Variants in CYP4X1 observed in about 807,000 individuals in gnomAD.
CYP4X1 encodes the protein cytochrome P450 family 4 subfamily X member 1.
A neutral mutation model predicts 57.9 loss-of-function variants in CYP4X1; 44 were observed. The observed-to-expected ratio is 0.76, with a 90% CI of 0.60 to 0.98. CYP4X1 has a LOEUF of 0.98. Ranked by LOEUF, CYP4X1 falls within the 50% of genes least tolerant of loss-of-function variation. CYP4X1 has a pLI of 0.00. For synonymous variants in CYP4X1, 227 were observed against 228.6 expected (o/e 0.99, Z 0.06); for missense variants, 532 against 623.9 (o/e 0.85, Z 1.57).
Position 47,029,929 on chromosome 1 carries a change from G to A in CYP4X1, c.178-61G>A, listed in dbSNP as rs575146387. On this transcript the variant is annotated intron_variant, in intron 1 of 11. Coordinates refer to ENST00000371901, the MANE Select transcript of CYP4X1 (RefSeq NM_178033.2). Reference sequence around the variant, plus strand: ...TTATCAGGTCCTGAACTCAGCTTGTGTCTATAAGAGGGGACAGGTCCAGCT... The same window carrying A: ...TTATCAGGTCCTGAACTCAGCTTGTATCTATAAGAGGGGACAGGTCCAGCT... 3.8e-4 allele frequency: 597 copies of A among 1,580,776 alleles called. 1 individual carries two copies. The highest frequency in any genetic ancestry group is 4.7e-4 in the Non-Finnish European group (548 of 1,161,226).
upstream of CYP4X1, chr1:47,023,643 C>T: frequency 1.5e-6 from 2 of 1,335,932 alleles, no homozygotes; most frequent in South Asian, 2.2e-5. Context: ...CCTGCCTCCT[C>T]TCCCCAGGCC....
the CYP4X1 span, among the ~76,000 whole-genome samples, chr1:46,999,026 TTGTGTGTGTGTGTGTGTGTGTGTGTG>T: frequency 7.0e-6 from 1 of 143,248 alleles, no homozygotes; most frequent in Non-Finnish European, 1.5e-5. Flanking sequence ...CTTGCTTTCT[TTGTGTGTGTGTGTGTGTGTGTGTGTG>T]TGTGTGTGTG....
chr1:47,048,656 C>A, intron 10 of CYP4X1, 27 bp downstream of exon 10: 1 of 1,593,704 alleles, frequency 6.3e-7, no homozygotes, highest in Non-Finnish European at 8.5e-7. Context: ...TACATAAATA[C>A]TTCCAAGAAC....
intron 8 of CYP4X1, among the ~76,000 whole-genome samples, chr1:47,043,473 T>TAATTATTAAAAGATAATTAATTAA (rs1296704954): frequency 3.9e-5 from 6 of 152,286 alleles, no homozygotes; most frequent in African/African-American, 1.4e-4. Context: ...GTCCCACCTA[T>TAATTATTAAAAGATAATTAATTAA]TTATCTTTTC....
the CYP4X1 span, among the ~76,000 whole-genome samples, chr1:46,981,317 C>A: frequency 6.6e-6 from 1 of 151,922 alleles, no homozygotes; most frequent in African/African-American, 2.4e-5. Context: ...AAAAAGTGGG[C>A]AAAGGATATG....
At chr1:46,987,136 T>C in the CYP4X1 span, among the ~76,000 whole-genome samples, 1 of 152,088 alleles carries the variant, frequency 6.6e-6, no homozygotes, top group African/African-American at 2.4e-5. Flanking sequence ...AGACCCATCA[T>C]ACATGCAAAG....
chr1:47,052,446 A>G (rs192969945), downstream of CYP4X1, among the ~76,000 whole-genome samples: 178 of 152,326 alleles, frequency 1.2e-3, 5 homozygotes, highest in South Asian at 0.036. Context: ...TCACAAAGGC[A>G]TTCCTTTATC....
chr1:46,986,416 C>A, the CYP4X1 span, among the ~76,000 whole-genome samples: 1 of 152,114 alleles, frequency 6.6e-6, no homozygotes, highest in African/African-American at 2.4e-5. Context: ...GATTGGTGTA[C>A]CTGAAAGTGA....
In CYP4X1 at chr1:47,046,536, C is replaced by T. The variant is rs755646900; in HGVS notation, c.1143C>T (p.Val381=). 6.2e-7 allele frequency: 1 copy of T among 1,614,154 alleles called. No individual in the cohort carries two copies. Among genetic ancestry groups the T allele is most frequent in the Non-Finnish European group, 8.5e-7 (1 of 1,180,042 alleles). The change falls in exon 9 of 12, where the codon GTC becomes GTT. Residue 381 remains valine, a synonymous_variant. Transcript: ENST00000371901. ...IKETCRLIPA[V]PSISRDLSKP... ...AGACGTGCCGATTGATTCCTGCAGT[C>T]CCGTCCATTTCCAGAGATCTCAGCA...
intron 10 of CYP4X1, 117 bp from the exon 11 acceptor site, chr1:47,049,305 A>G: frequency 1.3e-6 from 1 of 754,080 alleles, no homozygotes. Context: ...CCACCAGAAC[A>G]TTTTAAATTA....
the CYP4X1 span, among the ~76,000 whole-genome samples, chr1:46,988,563 C>T: frequency 1.3e-5 from 2 of 152,090 alleles, no homozygotes; most frequent in Non-Finnish European, 2.9e-5. Flanking sequence ...ATACCAAAAC[C>T]TGGCAGAGAC....
intron 8 of CYP4X1, among the ~76,000 whole-genome samples, chr1:47,046,264 T>C (rs1292085057): frequency 6.6e-6 from 1 of 152,214 alleles, no homozygotes; most frequent in African/African-American, 2.4e-5. Flanking sequence ...ATAATAAGGA[T>C]ATATGATATA....
At chr1:47,034,844 G>A (rs983701435) in intron 4 of CYP4X1, among the ~76,000 whole-genome samples, 7 of 151,796 alleles carry the variant, frequency 4.6e-5, no homozygotes, top group African/African-American at 7.3e-5. Flanking sequence ...ATATTTCTCC[G>A]GGATTTTTCT....
the CYP4X1 span, among the ~76,000 whole-genome samples, chr1:47,005,983 G>C: frequency 6.6e-6 from 1 of 152,196 alleles, no homozygotes. Flanking sequence ...GTTTAGGTGA[G>C]CACCTGATGT....
the CYP4X1 span, among the ~76,000 whole-genome samples, chr1:46,989,838 C>A: frequency 6.6e-6 from 1 of 152,228 alleles, no homozygotes; most frequent in Non-Finnish European, 1.5e-5. Flanking sequence ...GGAAAACTGG[C>A]TAGCCATATG....
downstream of CYP4X1, among the ~76,000 whole-genome samples, chr1:47,054,251 G>A (rs1428894652): frequency 6.6e-6 from 1 of 151,990 alleles, no homozygotes; most frequent in Non-Finnish European, 1.5e-5. Context: ...TTATTTCTGA[G>A]GGCTCTGTTC....
At chr1:46,977,251 C>G in the CYP4X1 span, among the ~76,000 whole-genome samples, 3 of 152,074 alleles carry the variant, frequency 2.0e-5, no homozygotes, top group African/African-American at 4.8e-5. Context: ...GAATGGCTAA[C>G]TAGAATAAAC....
Position 47,023,776 on chromosome 1 carries a change from C to A in CYP4X1, c.-42C>A. On this transcript the variant is annotated 5_prime_UTR_variant, in exon 1 of 12. Coordinates refer to ENST00000371901, the MANE Select transcript of CYP4X1 (RefSeq NM_178033.2). ...GGGCGGGAGAAAGCCCACCCTCTCC[C>A]GCGCCCCAGGAAACCGCCGGCGTTC... The A allele has an allele frequency of 6.3e-7, 1 of 1,591,996 alleles. No homozygotes were observed. Among genetic ancestry groups the A allele is most frequent in the East Asian group, 2.2e-5 (1 of 44,472 alleles).
Position 47,041,872 on chromosome 1 carries a change from C to T in CYP4X1, c.1073+2340C>T, listed in dbSNP as rs1644249807. On this transcript the variant is annotated intron_variant, in intron 8 of 11. Transcript: ENST00000371901. ...CATTGCCAAGAATAATATCAAGAAG[C>T]TTTTCTCTATGTTTTTTTCTAGTAG... Among the ~76,000 whole-genome samples the T allele has an allele frequency of 2.0e-5, 3 of 151,934 alleles. No homozygotes were observed. In the South Asian group the frequency reaches 6.2e-4, roughly 31 times the overall value.
Sources: gnomAD v4.1 joint callset for allele counts (sites outside exome capture counted in the v4.1 genomes callset) on GRCh38, gnomAD v4.1.1 for gene constraint, MANE v1.5 for transcripts, NCBI Gene and HGNC (gene_info 2026-07-23, HGNC 2026-07-21) for gene names.